FBLN2: variants seen among roughly 807,000 people sequenced by gnomAD.
The protein encoded by FBLN2 is fibulin-2.
In FBLN2, 81 loss-of-function variants were observed where a neutral mutation model predicts 123.7. The ratio of observed to expected loss-of-function variants is 0.65; its 90% CI spans 0.55 to 0.79. The LOEUF (loss-of-function observed/expected upper bound fraction) is 0.79. Among genes scored for constraint, FBLN2 ranks in the 30% least tolerant of loss-of-function variants. The pLI is 0.00. For missense variants in FBLN2, 1,603 were observed against 1,681.3 expected, an observed-to-expected ratio of 0.95 and a Z score of 0.81; for synonymous variants, 699 against 701.4, an observed-to-expected ratio of 1.00 and a Z score of 0.05.
intron 16 of FBLN2, among the ~76,000 whole-genome samples, chr3:13,635,048 C>T (rs750929498): frequency 6.6e-6 from 1 of 152,172 alleles, no homozygotes; most frequent in Non-Finnish European, 1.5e-5. Flanking sequence ...GACTTGCTGC[C>T]CCGCTCGCTG....
chr3:13,580,227 C>T (rs1407306291), intron 2 of FBLN2, among the ~76,000 whole-genome samples: 1 of 152,112 alleles, frequency 6.6e-6, no homozygotes, highest in Non-Finnish European at 1.5e-5. Context: ...TGCTGGCTGG[C>T]TCAGCTCTAG....
intron 1 of FBLN2, among the ~76,000 whole-genome samples, chr3:13,563,818 C>G (rs1316309336): frequency 6.6e-6 from 1 of 152,172 alleles, no homozygotes; most frequent in Non-Finnish European, 1.5e-5. Flanking sequence ...AGAGGCAGGT[C>G]CTAACCCAGG....
At position 13,609,496 on chromosome 3, in the gene FBLN2, T is replaced by G; in HGVS notation, c.1419-17T>G. 1 of 1,533,082 alleles carries G rather than the reference T, an allele frequency of 6.5e-7. No homozygotes were observed. Among genetic ancestry groups the G allele is most frequent in the Non-Finnish European group, 8.8e-7 (1 of 1,138,618 alleles). 95.0% of individuals were successfully genotyped at this position (1,533,082 alleles called of 1,614,324 possible). ...TGAGGTGGGCGACTGGGGGCTAAGTTACCCCCTCTGTTTCAGGACAGCCCA... is the reference window on the plus strand; with the variant it reads ...TGAGGTGGGCGACTGGGGGCTAAGTGACCCCCTCTGTTTCAGGACAGCCCA... On this transcript the variant is annotated splice_polypyrimidine_tract_variant and intron_variant, in intron 3 of 17. Coordinates refer to ENST00000404922, the MANE Select transcript of FBLN2 (RefSeq NM_001004019.2).
intron 1 of FBLN2, among the ~76,000 whole-genome samples, chr3:13,561,440 A>G (rs1489340783): frequency 3.4e-5 from 5 of 146,138 alleles, no homozygotes; most frequent in Non-Finnish European, 7.5e-5. Flanking sequence ...CGCCACCTCT[A>G]TCATTTTTCT....
At chr3:13,560,358 G>C (rs1703570247) in intron 1 of FBLN2, among the ~76,000 whole-genome samples, 1 of 152,196 alleles carries the variant, frequency 6.6e-6, no homozygotes, top group Admixed American at 6.5e-5. Flanking sequence ...CCAGTGACCA[G>C]TGAGCGTGTG....
At chr3:13,559,595 G>T (rs1205605903) in intron 1 of FBLN2, among the ~76,000 whole-genome samples, 2 of 152,192 alleles carry the variant, frequency 1.3e-5, no homozygotes, top group Non-Finnish European at 2.9e-5. Flanking sequence ...CTCCAGCAGG[G>T]TGATAGGGCC....
chr3:13,552,423 C>A (rs547094903), intron 1 of FBLN2, among the ~76,000 whole-genome samples: 10 of 152,206 alleles, frequency 6.6e-5, no homozygotes, highest in Admixed American at 6.5e-4. Flanking sequence ...GACGTAAACA[C>A]CATGCATGGC....
At chr3:13,575,754 G>A (rs536004662) in intron 2 of FBLN2, among the ~76,000 whole-genome samples, 2 of 152,166 alleles carry the variant, frequency 1.3e-5, no homozygotes, top group East Asian at 1.9e-4. Flanking sequence ...CATGCACCAC[G>A]CTTCTGAGCC....
Position 13,618,431 on chromosome 3 carries a change from A to G in FBLN2, c.1939+146A>G, listed in dbSNP as rs1002019784. On this transcript the variant is annotated intron_variant, in intron 6 of 17. Transcript: ENST00000404922. ...CCACAGAAGCCTGAAGCTTCCAGTG[A>G]TGGGGGATTTGTGAGGCAGGAAAAA... The G allele has an allele frequency of 6.0e-5, 44 of 732,130 alleles. No individual in the cohort carries two copies. The Admixed American group carries it at 1.2e-3, about 20-fold the overall frequency. 45.4% of individuals were successfully genotyped at this position (732,130 alleles called of 1,614,324 possible).
chr3:13,583,632 C>G (rs901169659), intron 2 of FBLN2, among the ~76,000 whole-genome samples: 1 of 152,274 alleles, frequency 6.6e-6, no homozygotes, highest in Non-Finnish European at 1.5e-5. Context: ...TCAGGCCTCT[C>G]CCTGGTACCT....
At chr3:13,625,783 C>T (rs1225516658) in intron 9 of FBLN2, among the ~76,000 whole-genome samples, 1 of 151,610 alleles carries the variant, frequency 6.6e-6, no homozygotes, top group African/African-American at 2.4e-5. Context: ...GGGATCCTTG[C>T]TCCAAATAAA....
chr3:13,585,023 T>A (rs1042731138), intron 2 of FBLN2, among the ~76,000 whole-genome samples: 3 of 152,066 alleles, frequency 2.0e-5, no homozygotes, highest in African/African-American at 7.3e-5. Context: ...TGGGGCTGGG[T>A]TGGTGGTGGG....
In FBLN2 at chr3:13,570,455, A is replaced by G; in HGVS notation, c.100A>G (p.Thr34Ala). ...CGCAGCTGCCCCTCGGCAGGACTGC[A>G]CGGGCGTGGAGTGCCCGCCGCTGGA... is the stretch of plus-strand genomic sequence containing the variant. Reference protein sequence around the residue: ...VAAAAPRQDCTGVECPPLENC... With the variant: ...VAAAAPRQDCAGVECPPLENC... The change falls in exon 2 of 18, where the codon ACG becomes GCG. Residue 34 changes from threonine (T) to alanine (A), a missense_variant. By Grantham distance (58) the Thr-to-Ala change is moderately conservative. Transcript: ENST00000404922. The G allele has an allele frequency of 6.4e-7, 1 of 1,572,464 alleles. No individual in the cohort carries two copies. The highest frequency in any genetic ancestry group is 8.6e-7 in the Non-Finnish European group (1 of 1,160,312).
chr3:13,593,808 C>T (rs942420922), intron 2 of FBLN2, among the ~76,000 whole-genome samples: 1 of 151,288 alleles, frequency 6.6e-6, no homozygotes, highest in Non-Finnish European at 1.5e-5. Flanking sequence ...GTCCCCAGCA[C>T]GGGCGGCTGA....
chr3:13,621,636 A>G, intron 8 of FBLN2, 139 bp from the exon 9 acceptor site: 2 of 834,734 alleles, frequency 2.4e-6, no homozygotes, highest in Non-Finnish European at 3.7e-6. Context: ...CCCAAGGCCC[A>G]GCTACACACA....
intron 5 of FBLN2, 143 bp downstream of exon 5, chr3:13,614,307 C>A: frequency 1.2e-6 from 1 of 855,086 alleles, no homozygotes; most frequent in Non-Finnish European, 1.7e-6. Flanking sequence ...ATGGTGATTT[C>A]ATTGTTTTCT....
intron 1 of FBLN2, among the ~76,000 whole-genome samples, chr3:13,559,844 C>T (rs1703559257): frequency 6.6e-6 from 1 of 152,166 alleles, no homozygotes; most frequent in African/African-American, 2.4e-5. Context: ...GATCTCGGTC[C>T]AGGAGCAGAC....
intron 2 of FBLN2, among the ~76,000 whole-genome samples, chr3:13,581,219 G>GC (rs1704313864): frequency 6.6e-6 from 1 of 151,584 alleles, no homozygotes; most frequent in African/African-American, 2.4e-5. Context: ...GGCAGGTGGG[G>GC]GGTGGGGGGG....
rs1239560184 is a variant in FBLN2, at chr3:13,608,168, C to T, written c.1413C>T (p.Val471=). Residue 471 remains valine (V), a synonymous_variant, in exon 3 of 18, where the codon GTC becomes GTT. Coordinates refer to ENST00000404922, the MANE Select transcript of FBLN2 (RefSeq NM_001004019.2). ...CTGAGAGTGGCACTGAGGACAACGTCTGCAGGTAGGGTGGGCTCCCTGGAG... is the reference window on the plus strand; with the variant it reads ...CTGAGAGTGGCACTGAGGACAACGTTTGCAGGTAGGGTGGGCTCCCTGGAG... The part of the protein sequence containing the change: ...EIPESGTEDN[V]CRTAQRHCCV... The T allele has an allele frequency of 6.3e-7, 1 of 1,581,652 alleles. No homozygotes were observed. Among genetic ancestry groups the T allele is most frequent in the Non-Finnish European group, 8.6e-7 (1 of 1,163,686 alleles).
Sources: allele counts gnomAD v4.1 joint callset (sites outside exome capture counted in the v4.1 genomes callset), GRCh38; gene constraint gnomAD v4.1.1; transcripts MANE v1.5; gene names NCBI Gene and HGNC (gene_info 2026-07-23, HGNC 2026-07-21).